Variants in TNPO1 observed in about 807,000 individuals in gnomAD.
TNPO1 encodes the protein transportin-1.
In TNPO1, 8 loss-of-function variants were observed where a neutral mutation model predicts 119.5. The observed-to-expected ratio is 0.07, with a 90% CI of 0.04 to 0.12. The LOEUF is 0.12. TNPO1 is among the 10% of genes least tolerant of loss of function. TNPO1 has a pLI of 1.00. For synonymous variants in TNPO1, 362 were observed against 363.0 expected (o/e 1.00, Z 0.03); for missense variants, 576 against 1,089.8 (o/e 0.53, Z 6.64).
chr5:72,895,386 G>A (rs1196508104), intron 18 of TNPO1, among the ~76,000 whole-genome samples: 1 of 149,788 alleles, frequency 6.7e-6, no homozygotes, highest in Non-Finnish European at 1.5e-5. Context: ...CAATCTTGAT[G>A]ATTGTCTCAA....
At position 72,909,430 on chromosome 5, in the gene TNPO1, CATCTT is replaced by C. The variant is rs945153570; in HGVS notation, c.*759_*763del. 10 of 152,224 alleles carry C rather than the reference CATCTT, an allele frequency of 6.6e-5. No individual in the cohort carries two copies. The highest frequency in any genetic ancestry group is 3.3e-4 in the Admixed American group (5 of 15,284). The allele number at this position is 152,224 out of a possible 1,614,324, so 9.4% of individuals were successfully genotyped here. ...GTTGGGCATATCAAACTAAAGATGA[CATCTT>C]AATTTTGCATTGAACATTAATGTAG... On this transcript the variant is annotated 3_prime_UTR_variant, in exon 25 of 25. Coordinates refer to ENST00000337273, the MANE Select transcript of TNPO1 (RefSeq NM_002270.4).
chr5:72,860,668 C>A (rs1746373572), intron 4 of TNPO1, among the ~76,000 whole-genome samples: 1 of 152,162 alleles, frequency 6.6e-6, no homozygotes, highest in African/African-American at 2.4e-5. Flanking sequence ...ATGTAGCCTG[C>A]CTACATGAGG....
At chr5:72,819,016 C>T (rs545461232) in intron 1 of TNPO1, among the ~76,000 whole-genome samples, 1 of 152,226 alleles carries the variant, frequency 6.6e-6, no homozygotes, top group East Asian at 1.9e-4. Flanking sequence ...AAGAGTGGTG[C>T]CTTAATCCGT....
chr5:72,861,743 T>G, intron 4 of TNPO1, 65 bp from the exon 5 acceptor site: 1 of 1,129,696 alleles, frequency 8.9e-7, no homozygotes, highest in East Asian at 2.4e-5. Context: ...TGCACACAGT[T>G]GCTCACATGG....
rs1747712765 is a variant in TNPO1, at chr5:72,875,724, A to C, written c.788A>C (p.His263Pro). Residue 263 changes from histidine (H) to proline (P), a missense_variant, in exon 8 of 25, where the codon CAT (histidine) becomes CCT (proline). His to Pro is a moderately conservative substitution (Grantham distance 77). This residue lies in a region of TNPO1 where 310 missense variants were observed against 583.0 expected (regional missense o/e 0.53). Transcript: ENST00000337273. The part of the protein sequence containing the change: ...VRMDRLLPHM[H>P]NIVEYMLQRT... ...ATGGATCGCCTGCTTCCTCACATGC[A>C]TAATATAGTTGAGGTAACACTGGCA... The C allele has an allele frequency of 6.2e-7, 1 of 1,610,340 alleles. No individual in the cohort carries two copies. Among genetic ancestry groups the C allele is most frequent in the Non-Finnish European group, 8.5e-7 (1 of 1,177,268 alleles).
At chr5:72,863,112 C>T (rs747881073) in intron 5 of TNPO1, among the ~76,000 whole-genome samples, 1 of 151,600 alleles carries the variant, frequency 6.6e-6, no homozygotes, top group Non-Finnish European at 1.5e-5. Context: ...GATGATTTCT[C>T]ATGGTTAGTG....
At chr5:72,875,043 T>G (rs796955088) in intron 7 of TNPO1, among the ~76,000 whole-genome samples, 5 of 152,336 alleles carry the variant, frequency 3.3e-5, no homozygotes, top group African/African-American at 9.6e-5. Flanking sequence ...ATTTCCTTAT[T>G]TGTAAAATTG....
At chr5:72,859,392 A>G (rs1480619952) in intron 4 of TNPO1, among the ~76,000 whole-genome samples, 1 of 152,180 alleles carries the variant, frequency 6.6e-6, no homozygotes, top group Non-Finnish European at 1.5e-5. Flanking sequence ...GGGGTCAGGG[A>G]GTGCCTGACT....
intron 24 of TNPO1, among the ~76,000 whole-genome samples, chr5:72,908,088 C>T (rs1018146645): frequency 3.3e-5 from 5 of 151,948 alleles, no homozygotes; most frequent in Non-Finnish European, 1.5e-5. Context: ...TTGCTTTTTT[C>T]TCTCTCTCTT....
At chr5:72,869,281 T>G (rs1747189009) in intron 6 of TNPO1, among the ~76,000 whole-genome samples, 1 of 152,150 alleles carries the variant, frequency 6.6e-6, no homozygotes, top group Non-Finnish European at 1.5e-5. Flanking sequence ...GCGTAGTGGC[T>G]CACACCTGTA....
At position 72,908,861 on chromosome 5, in the gene TNPO1, C is replaced by A. The variant is rs1170949270; in HGVS notation, c.*188C>A. ...AGGTGTTGCCGTCACTGTATTAAGT[C>A]GATGTTGGGAAACGTTTTAACATCT... On this transcript the variant is annotated 3_prime_UTR_variant, in exon 25 of 25. Coordinates refer to ENST00000337273, the MANE Select transcript of TNPO1 (RefSeq NM_002270.4). 1 of 451,910 alleles carries A rather than the reference C, an allele frequency of 2.2e-6. No homozygotes were observed. The highest frequency in any genetic ancestry group is 4.4e-6 in the Non-Finnish European group (1 of 224,858). The allele number at this position is 451,910 out of a possible 1,614,324, so 28.0% of individuals were successfully genotyped here. A position where few individuals can be genotyped will look rare whatever the true frequency, so the allele number is the denominator to read the frequency against.
At chr5:72,818,716 A>G (rs991789086) in intron 1 of TNPO1, among the ~76,000 whole-genome samples, 4 of 152,206 alleles carry the variant, frequency 2.6e-5, no homozygotes, top group African/African-American at 9.7e-5. Context: ...TTGAATACAT[A>G]TTGGTGCTAA....
chr5:72,879,979 G>A (rs1748109025), intron 9 of TNPO1, among the ~76,000 whole-genome samples: 1 of 152,126 alleles, frequency 6.6e-6, no homozygotes, highest in African/African-American at 2.4e-5. Flanking sequence ...CTTGAGCTCA[G>A]GAGTTCAAGA....
intron 1 of TNPO1, among the ~76,000 whole-genome samples, chr5:72,831,219 TG>T (rs1441876181): frequency 6.6e-6 from 1 of 152,100 alleles, no homozygotes; most frequent in East Asian, 1.9e-4. Flanking sequence ...CAAGAACCAT[TG>T]TAGAAGAATA....
chr5:72,911,675 C>T lies in TNPO1; in HGVS notation c.*3002C>T, dbSNP rs1295402677. 4 of 152,540 alleles carry T rather than the reference C, an allele frequency of 2.6e-5. No homozygotes were observed. Among genetic ancestry groups the T allele is most frequent in the African/African-American group, 9.7e-5 (4 of 41,434 alleles). The allele number at this position is 152,540 out of a possible 1,614,324, so 9.4% of individuals were successfully genotyped here. A position where few individuals can be genotyped will look rare whatever the true frequency, so the allele number is the denominator to read the frequency against. The stretch of plus-strand genomic sequence containing the variant: ...TTGTTACATTCCAGTGTTTCTGCCT[C>T]TTGGCATGCTTAAAGCACGGCTTAC... On this transcript the variant is annotated 3_prime_UTR_variant, in exon 25 of 25. Coordinates refer to ENST00000337273, the MANE Select transcript of TNPO1 (RefSeq NM_002270.4).
intron 1 of TNPO1, among the ~76,000 whole-genome samples, chr5:72,830,125 A>G (rs1744392381): frequency 6.6e-6 from 1 of 152,202 alleles, no homozygotes; most frequent in Non-Finnish European, 1.5e-5. Context: ...CTTAAGAGTG[A>G]GTAGAGAAAT....
intron 9 of TNPO1, among the ~76,000 whole-genome samples, chr5:72,879,493 C>G (rs1465691174): frequency 1.3e-5 from 2 of 152,180 alleles, no homozygotes; most frequent in Non-Finnish European, 2.9e-5. Context: ...CAACATTAAA[C>G]AACTCAAGCC....
At chr5:72,850,823 C>G (rs944893289) in intron 2 of TNPO1, among the ~76,000 whole-genome samples, 4 of 152,044 alleles carry the variant, frequency 2.6e-5, no homozygotes, top group African/African-American at 7.2e-5. Context: ...AAAAGTTATT[C>G]TATAAAGTTA....
intron 1 of TNPO1, among the ~76,000 whole-genome samples, chr5:72,843,254 A>C (rs142684211): frequency 1.3e-5 from 2 of 152,322 alleles, no homozygotes; most frequent in Admixed American, 1.3e-4. Context: ...TTACATATAC[A>C]TGTGGAACTT....
Sources: allele counts gnomAD v4.1 joint callset (sites outside exome capture counted in the v4.1 genomes callset), GRCh38; gene constraint gnomAD v4.1.1; regional missense constraint gnomAD v4.1.1; transcripts MANE v1.5; gene names NCBI Gene and HGNC (gene_info 2026-07-23, HGNC 2026-07-21).